TCF12: variants seen among roughly 807,000 people sequenced by gnomAD.
TCF12 encodes transcription factor 12.
A neutral mutation model predicts 86.0 loss-of-function variants in TCF12; 45 were observed. The observed-to-expected ratio is 0.52, with a 90% CI of 0.41 to 0.67. TCF12 has a LOEUF of 0.67. TCF12 is among the 30% of genes least tolerant of loss of function. The pLI is 0.00. For synonymous variants in TCF12, 330 were observed against 299.6 expected (o/e 1.10, Z -1.05); for missense variants, 881 against 859.9 (o/e 1.02, Z -0.31).
chr15:56,946,450 C>T (rs2061002018), intron 3 of TCF12, among the ~76,000 whole-genome samples: 1 of 151,996 alleles, frequency 6.6e-6, no homozygotes, highest in Non-Finnish European at 1.5e-5. Flanking sequence ...TTTAGATTGT[C>T]TTGCATTTCT....
chr15:57,121,378 G>C (rs1366017831), intron 5 of TCF12, among the ~76,000 whole-genome samples: 1 of 152,190 alleles, frequency 6.6e-6, no homozygotes, highest in Non-Finnish European at 1.5e-5. Context: ...GCCATGGTTT[G>C]AATGATGGTA....
chr15:57,233,660 A>G (rs1189845950), intron 11 of TCF12, among the ~76,000 whole-genome samples: 5 of 152,050 alleles, frequency 3.3e-5, no homozygotes, highest in African/African-American at 1.2e-4. Flanking sequence ...CATTTTTAGC[A>G]GAGATGGGGT....
intron 5 of TCF12, among the ~76,000 whole-genome samples, chr15:57,114,299 ATTGT>A (rs1215901439): frequency 3.3e-5 from 5 of 152,044 alleles, no homozygotes; most frequent in Admixed American, 2.0e-4. Flanking sequence ...ACCTACTGTA[ATTGT>A]TTGTTGAGAC....
intron 3 of TCF12, among the ~76,000 whole-genome samples, chr15:57,052,221 T>A (rs1244452361): frequency 6.6e-6 from 1 of 152,186 alleles, no homozygotes; most frequent in Non-Finnish European, 1.5e-5. Flanking sequence ...GGGGTTTCAG[T>A]TGAGTACATT....
chr15:56,957,478 C>T (rs554961525), intron 3 of TCF12, among the ~76,000 whole-genome samples: 7 of 152,268 alleles, frequency 4.6e-5, no homozygotes, highest in African/African-American at 1.7e-4. Context: ...AGTTTTTCTT[C>T]CACAATGTTT....
chr15:56,949,955 G>A (rs2061189487), intron 3 of TCF12, among the ~76,000 whole-genome samples: 1 of 152,200 alleles, frequency 6.6e-6, no homozygotes, highest in Admixed American at 6.5e-5. Context: ...GTAGGCCTGT[G>A]CTAGTAAGTA....
chr15:56,940,564 C>CTCTTCT (rs372805592), intron 3 of TCF12, among the ~76,000 whole-genome samples: 1 of 139,596 alleles, frequency 7.2e-6, no homozygotes, highest in Non-Finnish European at 1.5e-5. Flanking sequence ...TTTCCTCTTC[C>CTCTTCT]TCTTCTTCTT....
intron 6 of TCF12, among the ~76,000 whole-genome samples, chr15:57,183,998 C>T (rs1253483909): frequency 6.6e-6 from 1 of 152,122 alleles, no homozygotes; most frequent in African/African-American, 2.4e-5. Flanking sequence ...CTTATTATGA[C>T]TACTATTTGA....
rs139891237 is a variant in TCF12, at chr15:56,971,173, C to T, written c.148+50075C>T. Among the ~76,000 whole-genome samples the T allele has an allele frequency of 3.0e-4, 45 of 152,220 alleles. 1 individual carries two copies. The East Asian group carries it at 8.5e-3, about 29-fold the overall frequency. On this transcript the variant is annotated intron_variant, in intron 3 of 20. Coordinates refer to ENST00000333725, the MANE Select transcript of TCF12 (RefSeq NM_207037.2). ...GAGCCTTGGCTCACGCCTGTAATCC[C>T]AGCACTTTGGGAGGCCGAGGTGGGT...
intron 6 of TCF12, among the ~76,000 whole-genome samples, chr15:57,177,608 C>CAGAGAG (rs11270421): frequency 0.058 from 7,113 of 122,936 alleles, 776 homozygotes; most frequent in African/African-American, 0.17. Flanking sequence ...GTTAAAAGGC[C>CAGAGAG]AGAGAGAGAG....
chr15:57,170,802 AT>A (rs2055424904), intron 6 of TCF12, among the ~76,000 whole-genome samples: 1 of 23,012 alleles, frequency 4.3e-5, no homozygotes, highest in African/African-American at 1.9e-4. Flanking sequence ...ATATATATAT[AT>A]AATTTTTTTT....
intron 13 of TCF12, 59 bp downstream of exon 13, chr15:57,243,609 C>A: frequency 7.3e-7 from 1 of 1,370,586 alleles, no homozygotes; most frequent in Non-Finnish European, 1.0e-6. Flanking sequence ...ATTTCTAGTT[C>A]ATTTATTTCT....
intron 8 of TCF12, among the ~76,000 whole-genome samples, chr15:57,198,379 C>T (rs564050180): frequency 7.2e-5 from 11 of 152,064 alleles, no homozygotes; most frequent in Non-Finnish European, 1.5e-4. Context: ...TTCAGCCTAG[C>T]ATCAGGAAAG....
At chr15:57,115,628 G>A (rs553434442) in intron 5 of TCF12, among the ~76,000 whole-genome samples, 1 of 152,208 alleles carries the variant, frequency 6.6e-6, no homozygotes, top group East Asian at 1.9e-4. Context: ...CTAATGCCTT[G>A]TATTCCATTA....
At chr15:57,082,336 A>T (rs2048366378) in intron 4 of TCF12, among the ~76,000 whole-genome samples, 1 of 152,240 alleles carries the variant, frequency 6.6e-6, no homozygotes, top group Non-Finnish European at 1.5e-5. Flanking sequence ...TCAAGATAGG[A>T]TACCAGTGAC....
At chr15:57,233,233 C>T (rs1388671931) in intron 11 of TCF12, among the ~76,000 whole-genome samples, 2 of 151,772 alleles carry the variant, frequency 1.3e-5, no homozygotes, top group African/African-American at 4.8e-5. Context: ...AGTGCAGTGG[C>T]ACAGTCATGG....
intron 4 of TCF12, among the ~76,000 whole-genome samples, chr15:57,078,627 ATTTC>A (rs140114405): frequency 6.6e-6 from 1 of 152,086 alleles, no homozygotes; most frequent in Non-Finnish European, 1.5e-5. Flanking sequence ...GCATATTTTA[ATTTC>A]TTTAATTTCA....
At chr15:57,139,946 G>A (rs2052837167) in intron 5 of TCF12, among the ~76,000 whole-genome samples, 2 of 152,140 alleles carry the variant, frequency 1.3e-5, no homozygotes, top group African/African-American at 2.4e-5. Context: ...AGTAGATGCC[G>A]TCTTTCCCAC....
intron 3 of TCF12, among the ~76,000 whole-genome samples, chr15:56,969,123 T>C (rs774185549): frequency 2.0e-5 from 3 of 152,120 alleles, no homozygotes; most frequent in Non-Finnish European, 2.9e-5. Context: ...TGTGGGCAAA[T>C]TGTGAGGGAG....
Sources: allele counts gnomAD v4.1 joint callset (sites outside exome capture counted in the v4.1 genomes callset), GRCh38; gene constraint gnomAD v4.1.1; transcripts MANE v1.5; gene names NCBI Gene and HGNC (gene_info 2026-07-23, HGNC 2026-07-21).